INTS7: variants seen among roughly 807,000 people sequenced by gnomAD.
INTS7 encodes the protein chromosome 1 open reading frame 73.
INTS7 carries 46 observed loss-of-function variants against 109.2 expected under a neutral mutation model. That is an observed-to-expected ratio of 0.42 (90% CI 0.33 to 0.54). The LOEUF (loss-of-function observed/expected upper bound fraction) is 0.54. Ranked by LOEUF, INTS7 falls within the 20% of genes least tolerant of loss-of-function variation. The pLI is 0.07. For missense variants in INTS7, 929 were observed against 1,132.4 expected (o/e 0.82, Z 2.58); for synonymous variants, 412 against 402.9 (o/e 1.02, Z -0.27).
At chr1:212,012,024 T>A (rs1266281951) in intron 4 of INTS7, among the ~76,000 whole-genome samples, 2 of 152,170 alleles carry the variant, frequency 1.3e-5, no homozygotes, top group Admixed American at 1.3e-4. Flanking sequence ...GATTATCCCC[T>A]CTCCTTTGCC....
intron 14 of INTS7, among the ~76,000 whole-genome samples, chr1:211,968,311 T>G (rs1571859396): frequency 6.6e-6 from 1 of 152,360 alleles, no homozygotes; most frequent in East Asian, 1.9e-4. Flanking sequence ...TATATAAATA[T>G]GTAGCACCCA....
At chr1:212,013,787 T>C (rs545325771) in intron 4 of INTS7, among the ~76,000 whole-genome samples, 2 of 152,348 alleles carry the variant, frequency 1.3e-5, no homozygotes, top group South Asian at 2.1e-4. Context: ...AGAAACATGC[T>C]GTACAGGTTT....
At chr1:211,977,377 A>C (rs1443036153) in intron 11 of INTS7, among the ~76,000 whole-genome samples, 1 of 152,238 alleles carries the variant, frequency 6.6e-6, no homozygotes. Context: ...CACAAAAAAG[A>C]TATCAGGACC....
At chr1:212,029,518 C>T (rs895822115) in intron 1 of INTS7, among the ~76,000 whole-genome samples, 1 of 152,228 alleles carries the variant, frequency 6.6e-6, no homozygotes, top group Admixed American at 6.5e-5. Flanking sequence ...GAGCCTAAGT[C>T]AGATCCTGCA....
chr1:211,997,833 C>G (rs997946091), intron 7 of INTS7, among the ~76,000 whole-genome samples: 10 of 149,650 alleles, frequency 6.7e-5, no homozygotes, highest in Admixed American at 2.7e-4. Context: ...AAGCTGAGAT[C>G]ACACCACTGC....
intron 4 of INTS7, among the ~76,000 whole-genome samples, chr1:212,015,713 A>T (rs1666403615): frequency 3.7e-4 from 4 of 10,712 alleles, no homozygotes; most frequent in African/African-American, 1.0e-3. Context: ...TAAATACTAA[A>T]AAAAAAAAAA....
rs1429238018 is a variant in INTS7 at position 211,946,176 on chromosome 1, C to A, written c.2415+431G>T. ...GATAAAGGAGAGAAATGGCTTACAA[C>A]TAGGTTTTATCAAAACCAAAGGTAA... On this transcript the variant is annotated intron_variant, in intron 18 of 19. Transcript: ENST00000366994. The surrounding 1 kb of genome is among the most constrained non-coding windows in gnomAD (Gnocchi z 4.3). Among the ~76,000 whole-genome samples the A allele has an allele frequency of 1.3e-5, 2 of 152,218 alleles. No homozygotes were observed. The highest frequency in any genetic ancestry group is 6.5e-5 in the Admixed American group (1 of 15,276).
Position 211,992,714 on chromosome 1 carries a change from G to A in INTS7, c.880-4711C>T, listed in dbSNP as rs559497018. Among the ~76,000 whole-genome samples, 67 of 152,124 alleles carry A rather than the reference G, an allele frequency of 4.4e-4. 1 individual carries two copies. Among genetic ancestry groups the A allele is most frequent in the African/African-American group, 1.4e-3 (60 of 41,486 alleles). ...AATAATAATAAAATTAAAAAACACT[G>A]ATTTAAACGTTCATTAATCCAAATC... is the stretch of plus-strand genomic sequence containing the variant. On this transcript the variant is annotated intron_variant, in intron 7 of 19. Coordinates refer to ENST00000366994, the MANE Select transcript of INTS7 (RefSeq NM_015434.4).
At chr1:212,006,592 AAT>A in intron 7 of INTS7, 45 bp downstream of exon 7, 1 of 958,726 alleles carries the variant, frequency 1.0e-6, no homozygotes, top group Non-Finnish European at 1.5e-6. Context: ...ACTATATTAT[AAT>A]GTTATATTAT....
At chr1:211,975,029 AG>A (rs1664357731) in intron 13 of INTS7, 136 bp downstream of exon 13, 1 of 625,596 alleles carries the variant, frequency 1.6e-6, no homozygotes, top group African/African-American at 1.8e-5. Flanking sequence ...AAAGGGGAAA[AG>A]GTTAAGGGTT....
intron 7 of INTS7, among the ~76,000 whole-genome samples, chr1:211,994,861 T>C (rs2102449453): frequency 7.2e-6 from 1 of 139,106 alleles, no homozygotes; most frequent in Non-Finnish European, 1.5e-5. Flanking sequence ...AGATATGGTA[T>C]AATGAAGAAA....
chr1:212,007,165 C>T (rs1046670323), intron 6 of INTS7, 85 bp downstream of exon 6: 4 of 980,156 alleles, frequency 4.1e-6, no homozygotes, highest in Non-Finnish European at 6.2e-6. Flanking sequence ...GTCCTCAAGA[C>T]TTGTGGGCCA....
intron 1 of INTS7, 24 bp downstream of exon 1, chr1:212,035,320 C>G: frequency 2.0e-6 from 3 of 1,509,478 alleles, no homozygotes; most frequent in Non-Finnish European, 1.8e-6. Flanking sequence ...CTGTTTCACC[C>G]ATTCAGCCCT....
intron 16 of INTS7, among the ~76,000 whole-genome samples, chr1:211,960,767 CT>C (rs1663587198): frequency 6.6e-6 from 1 of 152,184 alleles, no homozygotes; most frequent in South Asian, 2.1e-4. Flanking sequence ...AGAAAAAACA[CT>C]TTGGGAGGCT....
chr1:211,946,457 C>T lies in INTS7; in HGVS notation c.2415+150G>A, dbSNP rs1662850538. On this transcript the variant is annotated intron_variant, in intron 18 of 19. Transcript: ENST00000366994. This position sits in a 1 kb window ranked among gnomAD's most constrained non-coding sequence, Gnocchi z 4.3. ...CACCACTGTACTCCAGCCCAGGCGA[C>T]AGGGCGAGACTCTGTCTCAAAAAAC... The T allele has an allele frequency of 4.1e-6, 2 of 493,718 alleles. No homozygotes were observed. Among genetic ancestry groups the T allele is most frequent in the Non-Finnish European group, 7.2e-6 (2 of 278,982 alleles). 30.6% of individuals were successfully genotyped at this position (493,718 alleles called of 1,614,324 possible).
chr1:212,006,107 C>A (rs1203604571), intron 7 of INTS7, among the ~76,000 whole-genome samples: 1 of 152,008 alleles, frequency 6.6e-6, no homozygotes, highest in Non-Finnish European at 1.5e-5. Flanking sequence ...AAAAAATAAA[C>A]ATAAAATATT....
chr1:211,969,350 A>C (rs1436649094), intron 13 of INTS7, among the ~76,000 whole-genome samples: 1 of 151,672 alleles, frequency 6.6e-6, no homozygotes, highest in Non-Finnish European at 1.5e-5. Context: ...ACCATCCCCC[A>C]AAATCCCCTA....
chr1:211,954,613 A>T (rs1000987483), intron 16 of INTS7, among the ~76,000 whole-genome samples: 2 of 152,230 alleles, frequency 1.3e-5, no homozygotes, highest in African/African-American at 4.8e-5. Context: ...CTTTCTACAT[A>T]TGGCTAACCA....
intron 17 of INTS7, among the ~76,000 whole-genome samples, chr1:211,949,263 T>C (rs1030020791): frequency 6.6e-6 from 1 of 152,222 alleles, no homozygotes; most frequent in Admixed American, 6.5e-5. Context: ...CCCGTGACTT[T>C]AAGAACTTCT....
Sources: allele counts gnomAD v4.1 joint callset (sites outside exome capture counted in the v4.1 genomes callset), GRCh38; gene constraint gnomAD v4.1.1; non-coding constraint Gnocchi (gnomAD v3.1); transcripts MANE v1.5; gene names NCBI Gene and HGNC (gene_info 2026-07-23, HGNC 2026-07-21).